Variants in FRMD4B observed in about 807,000 individuals in gnomAD.
FRMD4B encodes FERM domain containing 4B, also known as FERM domain-containing protein 4B.
FRMD4B carries 74 observed loss-of-function variants against 141.5 expected under a neutral mutation model. The ratio of observed to expected loss-of-function variants is 0.52; its 90% CI spans 0.43 to 0.63. The LOEUF (loss-of-function observed/expected upper bound fraction) is 0.63. Among genes scored for constraint, FRMD4B ranks in the 30% least tolerant of loss-of-function variants. The pLI, the probability that FRMD4B is intolerant of heterozygous loss-of-function variation, is 0.00. For synonymous variants in FRMD4B, 506 were observed against 467.9 expected (o/e 1.08, Z -1.05); for missense variants, 1,366 against 1,253.4 (o/e 1.09, Z -1.36).
intron 1 of FRMD4B, chr3:69,322,974 C>T (rs1702061150): frequency 2.2e-6 from 2 of 904,902 alleles, no homozygotes; most frequent in Non-Finnish European, 2.6e-6. Context: ...TGGGTAGAAT[C>T]TCAGGTTCCA....
At chr3:69,429,750 C>CTTTTT (rs60665985) in intron 2 of FRMD4B, among the ~76,000 whole-genome samples, 54 of 79,468 alleles carry the variant, frequency 6.8e-4, no homozygotes, top group Middle Eastern at 8.1e-3. Context: ...GAGACCTCTT[C>CTTTTT]TTTTTTTTTT....
chr3:69,534,169 C>T (rs951349240), intron 1 of FRMD4B, among the ~76,000 whole-genome samples: 3 of 152,200 alleles, frequency 2.0e-5, no homozygotes, highest in African/African-American at 7.2e-5. Context: ...TTCAGTCATT[C>T]ACATCTTCCC....
chr3:69,381,376 A>T (rs1425729857), intron 1 of FRMD4B, among the ~76,000 whole-genome samples: 1 of 152,220 alleles, frequency 6.6e-6, no homozygotes, highest in Non-Finnish European at 1.5e-5. Context: ...TAGTATATGA[A>T]TAAAAAGAAC....
chr3:69,305,058 T>A (rs1468206169), intron 3 of FRMD4B, among the ~76,000 whole-genome samples: 1 of 152,188 alleles, frequency 6.6e-6, no homozygotes, highest in Non-Finnish European at 1.5e-5. Flanking sequence ...TAAAGCTATA[T>A]TTTACAATAA....
intron 1 of FRMD4B, among the ~76,000 whole-genome samples, chr3:69,519,338 G>A (rs923833796): frequency 6.6e-6 from 1 of 152,140 alleles, no homozygotes; most frequent in Non-Finnish European, 1.5e-5. Context: ...CCTCTGTCAA[G>A]AGGGAGTCTG....
chr3:69,471,947 G>C (rs1172816351), intron 1 of FRMD4B: 3 of 155,552 alleles, frequency 1.9e-5, no homozygotes, highest in African/African-American at 7.2e-5. Flanking sequence ...ATTCCTTTGG[G>C]GGCTCTATTT....
At chr3:69,496,632 AGAGAAAGAGAGAG>A (rs1706398309) in intron 1 of FRMD4B, among the ~76,000 whole-genome samples, 3 of 79,554 alleles carry the variant, frequency 3.8e-5, no homozygotes, top group South Asian at 9.0e-4. Context: ...AGAGAGAGAG[AGAGAAAGAGAGAG>A]AGAGAGAGAG....
intron 5 of FRMD4B, among the ~76,000 whole-genome samples, chr3:69,264,013 G>A (rs921515331): frequency 6.6e-6 from 1 of 151,248 alleles, no homozygotes; most frequent in Non-Finnish European, 1.5e-5. Flanking sequence ...TTTAGAGACT[G>A]GGTTTTGCCA....
At chr3:69,476,372 AT>A (rs1705998940) in intron 1 of FRMD4B, among the ~76,000 whole-genome samples, 1 of 152,104 alleles carries the variant, frequency 6.6e-6, no homozygotes, top group African/African-American at 2.4e-5. Context: ...TCTTGAATTA[AT>A]TTTTTTATAA....
intron 1 of FRMD4B, among the ~76,000 whole-genome samples, chr3:69,347,836 T>G (rs1220159205): frequency 6.6e-6 from 1 of 152,228 alleles, no homozygotes; most frequent in Non-Finnish European, 1.5e-5. Flanking sequence ...TAAAGCAGTG[T>G]GTAGAGGGAA....
At chr3:69,271,974 C>CA (rs2093596498) in intron 5 of FRMD4B, among the ~76,000 whole-genome samples, 1 of 150,930 alleles carries the variant, frequency 6.6e-6, no homozygotes, top group African/African-American at 2.4e-5. Context: ...GACTCTGTCT[C>CA]AAAAAAATAA....
intron 1 of FRMD4B, among the ~76,000 whole-genome samples, chr3:69,475,712 G>A (rs1259133832): frequency 1.3e-5 from 2 of 151,952 alleles, no homozygotes; most frequent in Non-Finnish European, 2.9e-5. Context: ...AATCCTTTGG[G>A]TATATACCCA....
intron 17 of FRMD4B, among the ~76,000 whole-genome samples, chr3:69,192,829 T>G (rs1213075947): frequency 3.9e-5 from 6 of 152,056 alleles, no homozygotes; most frequent in Non-Finnish European, 7.4e-5. Flanking sequence ...TTCACTTTTT[T>G]TTTTTTGAGG....
Position 69,274,707 on chromosome 3 carries a change from C to T in FRMD4B, c.501+13045G>A, listed in dbSNP as rs935040307. On this transcript the variant is annotated intron_variant, in intron 5 of 22. Transcript: ENST00000398540. ...CTAATTTTTGTATTTTTAGTAGAGA[C>T]GGGGTTTTACCATGTTGGCCAGGCT... 2.8e-4 allele frequency among the ~76,000 whole-genome samples: 42 copies of T among 151,876 alleles called. 1 individual carries two copies. The highest frequency in any genetic ancestry group is 7.4e-5 in the Non-Finnish European group (5 of 67,952).
At chr3:69,179,913 T>G (rs907242029) in intron 21 of FRMD4B, among the ~76,000 whole-genome samples, 3 of 152,124 alleles carry the variant, frequency 2.0e-5, no homozygotes, top group African/African-American at 7.2e-5. Flanking sequence ...ACACAGAGCC[T>G]CCCCTATCTT....
chr3:69,410,212 C>T (rs748813661), intron 2 of FRMD4B, among the ~76,000 whole-genome samples: 2 of 152,160 alleles, frequency 1.3e-5, no homozygotes, highest in Non-Finnish European at 2.9e-5. Context: ...CCTGACTATT[C>T]CTCTCCTTCA....
chr3:69,194,605 T>C (rs1026740325), intron 16 of FRMD4B, among the ~76,000 whole-genome samples: 1 of 152,248 alleles, frequency 6.6e-6, no homozygotes, highest in African/African-American at 2.4e-5. Context: ...TCTCATTTAA[T>C]ACTCATTGGA....
At chr3:69,296,446 A>C (rs902788852) in intron 4 of FRMD4B, among the ~76,000 whole-genome samples, 2 of 152,130 alleles carry the variant, frequency 1.3e-5, no homozygotes, top group Non-Finnish European at 2.9e-5. Flanking sequence ...AGGATGTTGG[A>C]TCCTCAAAGA....
At chr3:69,396,925 C>T (rs750337940) in intron 2 of FRMD4B, among the ~76,000 whole-genome samples, 10 of 152,034 alleles carry the variant, frequency 6.6e-5, no homozygotes, top group African/African-American at 2.4e-4. Context: ...TGGGAATTAC[C>T]CATACGTTTA....
Sources: allele counts gnomAD v4.1 joint callset (sites outside exome capture counted in the v4.1 genomes callset), GRCh38; gene constraint gnomAD v4.1.1; transcripts MANE v1.5; gene names NCBI Gene and HGNC (gene_info 2026-07-23, HGNC 2026-07-21).